Variants in RALGPS2 observed in about 807,000 individuals in gnomAD.
The protein encoded by RALGPS2 is Ral GEF with PH domain and SH3 binding motif 2.
In RALGPS2, 43 loss-of-function variants were observed where a neutral mutation model predicts 86.8. The observed-to-expected ratio is 0.50, with a 90% confidence interval of 0.39 to 0.64. The LOEUF (loss-of-function observed/expected upper bound fraction) is 0.64, where lower values mean the gene tolerates loss of function less well. Among genes scored for constraint, RALGPS2 ranks in the 30% least tolerant of loss-of-function variants. The pLI, the probability that RALGPS2 is intolerant of heterozygous loss-of-function variation, is 0.00. For missense variants in RALGPS2, 536 were observed against 694.6 expected (o/e 0.77, Z 2.57); for synonymous variants, 243 against 231.3 (o/e 1.05, Z -0.46).
At chr1:178,747,416 T>C (rs1651399009) in intron 1 of RALGPS2, 4 of 1,561,102 alleles carry the variant, frequency 2.6e-6, no homozygotes, top group African/African-American at 1.4e-5. Flanking sequence ...TGACAAGAGC[T>C]TCACACTGAA....
intron 1 of RALGPS2, among the ~76,000 whole-genome samples, chr1:178,741,153 A>G (rs1236653242): frequency 6.6e-6 from 1 of 152,208 alleles, no homozygotes; most frequent in Non-Finnish European, 1.5e-5. Context: ...AAGATAAGGT[A>G]TAGGGAGTTA....
At chr1:178,858,462 T>C (rs2102313443) in intron 8 of RALGPS2, among the ~76,000 whole-genome samples, 1 of 152,310 alleles carries the variant, frequency 6.6e-6, no homozygotes, top group Non-Finnish European at 1.5e-5. Context: ...TTGATTGATC[T>C]GTGAATCAGG....
At chr1:178,825,675 A>G (rs1230351961) in intron 7 of RALGPS2, among the ~76,000 whole-genome samples, 4 of 152,228 alleles carry the variant, frequency 2.6e-5, no homozygotes, top group Non-Finnish European at 5.9e-5. Context: ...CTTGTTTAAT[A>G]TGGTAGCCAT....
chr1:178,825,851 G>A (rs147062853), intron 7 of RALGPS2, among the ~76,000 whole-genome samples: 244 of 152,282 alleles, frequency 1.6e-3, no homozygotes, highest in African/African-American at 5.4e-3. Flanking sequence ...ATAAAATTCT[G>A]TTGGACAGCA....
intron 8 of RALGPS2, among the ~76,000 whole-genome samples, chr1:178,854,701 A>G (rs1219419511): frequency 6.6e-6 from 1 of 152,178 alleles, no homozygotes; most frequent in African/African-American, 2.4e-5. Context: ...AACCCTAGAT[A>G]GACATAAATC....
intron 18 of RALGPS2, among the ~76,000 whole-genome samples, chr1:178,902,782 A>G (rs559537434): frequency 6.6e-6 from 1 of 152,282 alleles, no homozygotes; most frequent in South Asian, 2.1e-4. Context: ...TTTATTCTAA[A>G]GAATATTTAA....
intron 14 of RALGPS2, among the ~76,000 whole-genome samples, chr1:178,890,923 C>G (rs2102387745): frequency 6.6e-6 from 1 of 152,118 alleles, no homozygotes; most frequent in Non-Finnish European, 1.5e-5. Flanking sequence ...GACATGTTGT[C>G]TGAATTTGTT....
intron 10 of RALGPS2, among the ~76,000 whole-genome samples, chr1:178,880,219 A>T (rs893858698): frequency 4.6e-5 from 7 of 152,170 alleles, no homozygotes; most frequent in African/African-American, 1.7e-4. Flanking sequence ...TTTGGTAATG[A>T]TTATTAACTT....
intron 8 of RALGPS2, among the ~76,000 whole-genome samples, chr1:178,840,539 A>G (rs1013488254): frequency 6.6e-6 from 1 of 152,214 alleles, no homozygotes; most frequent in African/African-American, 2.4e-5. Context: ...AATGCCCACA[A>G]GAGAAAGCAG....
intron 1 of RALGPS2, among the ~76,000 whole-genome samples, chr1:178,760,060 T>C (rs954761613): frequency 6.6e-6 from 1 of 152,310 alleles, no homozygotes; most frequent in South Asian, 2.1e-4. Context: ...CCTTTCCAAT[T>C]TGAATGTCTT....
intron 19 of RALGPS2, among the ~76,000 whole-genome samples, chr1:178,913,766 C>A (rs1660709252): frequency 1.3e-5 from 2 of 152,182 alleles, no homozygotes; most frequent in African/African-American, 4.8e-5. Flanking sequence ...CTTGGCACTC[C>A]TGGGCTGTGT....
At chr1:178,829,447 A>G (rs1039152465) in intron 7 of RALGPS2, among the ~76,000 whole-genome samples, 4 of 152,236 alleles carry the variant, frequency 2.6e-5, no homozygotes, top group Non-Finnish European at 5.9e-5. Flanking sequence ...TCTCATAGGT[A>G]CATGAACCCT....
At chr1:178,828,986 A>G (rs780039568) in intron 7 of RALGPS2, among the ~76,000 whole-genome samples, 2 of 152,236 alleles carry the variant, frequency 1.3e-5, no homozygotes, top group South Asian at 4.1e-4. Context: ...TCGTTGCAGC[A>G]TTATTCACAA....
intron 1 of RALGPS2, among the ~76,000 whole-genome samples, chr1:178,770,017 TC>T (rs202227144): frequency 8.1e-6 from 1 of 123,418 alleles, no homozygotes; most frequent in Non-Finnish European, 1.7e-5. Flanking sequence ...GTCGATTGCT[TC>T]TTTTTTTTTT....
At chr1:178,832,663 G>C (rs79507493) in intron 7 of RALGPS2, among the ~76,000 whole-genome samples, 5,460 of 151,664 alleles carry the variant, frequency 0.036, 119 homozygotes, top group African/African-American at 0.055. Context: ...ATCTAATGTA[G>C]TAATGAAATA....
At chr1:178,812,964 G>A (rs1021691700) in intron 6 of RALGPS2, among the ~76,000 whole-genome samples, 5 of 140,010 alleles carry the variant, frequency 3.6e-5, no homozygotes, top group African/African-American at 8.1e-5. Flanking sequence ...GTGGTGTTGC[G>A]CTCTGTGGCC....
intron 8 of RALGPS2, chr1:178,852,646 G>T: frequency 1.9e-6 from 3 of 1,581,738 alleles, no homozygotes; most frequent in Non-Finnish European, 2.6e-6. Flanking sequence ...CATAGAAGGT[G>T]ATGATTCTAC....
intron 1 of RALGPS2, among the ~76,000 whole-genome samples, chr1:178,742,158 GA>G (rs1327193701): frequency 1.4e-5 from 2 of 144,604 alleles, no homozygotes; most frequent in African/African-American, 2.5e-5. Context: ...AAAAGAAGAA[GA>G]AGCAGAAATG....
chr1:178,853,485 G>A (rs1657318675), intron 8 of RALGPS2: 1 of 953,150 alleles, frequency 1.0e-6, no homozygotes, highest in African/African-American at 1.7e-5. Flanking sequence ...AAAACATATG[G>A]ATAGTTATTT....
Sources: gnomAD v4.1 joint callset for allele counts (sites outside exome capture counted in the v4.1 genomes callset) on GRCh38, gnomAD v4.1.1 for gene constraint, MANE v1.5 for transcripts, NCBI Gene and HGNC (gene_info 2026-07-23, HGNC 2026-07-21) for gene names.